Variants in TRAPPC9 observed in about 807,000 individuals in gnomAD.
TRAPPC9 encodes trafficking protein particle complex subunit 9.
TRAPPC9 carries 83 observed loss-of-function variants against 124.0 expected under a neutral mutation model. That is an observed-to-expected ratio of 0.67 (90% CI 0.56 to 0.80). The LOEUF is 0.80. Among genes scored for constraint, TRAPPC9 ranks in the 30% least tolerant of loss-of-function variants. TRAPPC9 has a pLI of 0.00. For missense variants in TRAPPC9, 1,302 were observed against 1,508.3 expected (o/e 0.86, Z 2.27); for synonymous variants, 638 against 617.5 (o/e 1.03, Z -0.49).
chr8:140,439,680 G>A (rs1337800621), intron 2 of TRAPPC9, among the ~76,000 whole-genome samples: 4 of 152,210 alleles, frequency 2.6e-5, no homozygotes, highest in Non-Finnish European at 5.9e-5. Flanking sequence ...AGCTTCCAGA[G>A]AGCAGGGCCT....
rs964223200 is a variant in TRAPPC9 at position 139,742,548 on chromosome 8, AG to A, written c.3056-10347del. On this transcript the variant is annotated intron_variant, in intron 21 of 22. Transcript: ENST00000438773. This position sits in a 1 kb window ranked among gnomAD's most constrained non-coding sequence, Gnocchi z 4.7. ...CATGCAATCAGGGACCAGGCAAGTC[AG>A]GGGCCACCAGAGAGGGTCAGGACCC... Among the ~76,000 whole-genome samples the A allele has an allele frequency of 5.3e-5, 8 of 152,316 alleles. No individual in the cohort carries two copies. The highest frequency in any genetic ancestry group is 1.9e-4 in the African/African-American group (8 of 41,564).
chr8:140,084,437 T>C (rs1265926020), intron 17 of TRAPPC9, among the ~76,000 whole-genome samples: 1 of 152,204 alleles, frequency 6.6e-6, no homozygotes, highest in Non-Finnish European at 1.5e-5. Context: ...AGGCTGAGCG[T>C]GTCCCTTCTC....
At chr8:139,820,007 C>CAAAAAAA (rs35064399) in intron 21 of TRAPPC9, among the ~76,000 whole-genome samples, 3 of 51,818 alleles carry the variant, frequency 5.8e-5, no homozygotes, top group South Asian at 1.2e-3. Context: ...GACTCTGTCT[C>CAAAAAAA]AAAAAAAAAA....
intron 15 of TRAPPC9, among the ~76,000 whole-genome samples, chr8:140,258,461 T>G (rs903597851): frequency 6.6e-6 from 1 of 152,234 alleles, no homozygotes; most frequent in African/African-American, 2.4e-5. Flanking sequence ...TAACCTAGTC[T>G]GGAAACACAA....
rs923977861 is a variant in TRAPPC9 at position 139,824,812 on chromosome 8, C to T, written c.3055+61067G>A. Among the ~76,000 whole-genome samples the T allele has an allele frequency of 5.3e-4, 81 of 152,136 alleles. 1 individual carries two copies. Among genetic ancestry groups the T allele is most frequent in the Admixed American group, 5.2e-3 (80 of 15,284 alleles). On this transcript the variant is annotated intron_variant, in intron 21 of 22. Transcript: ENST00000438773. The stretch of plus-strand genomic sequence containing the variant: ...TCCTGAGCTCAGGCAATTCACCCAC[C>T]TCGGCCTCCCAAAGTGCTAGGATTA...
intron 17 of TRAPPC9, among the ~76,000 whole-genome samples, chr8:140,089,662 G>T (rs1024001626): frequency 2.0e-5 from 3 of 152,188 alleles, no homozygotes; most frequent in Non-Finnish European, 4.4e-5. Flanking sequence ...GCTCCATAAA[G>T]ATGAGAACCT....
intron 5 of TRAPPC9, among the ~76,000 whole-genome samples, chr8:140,419,537 T>C (rs2070117597): frequency 6.6e-6 from 1 of 150,756 alleles, no homozygotes; most frequent in Non-Finnish European, 1.5e-5. Context: ...GCTACCATCA[T>C]GCTTCATGAT....
chr8:140,219,880 G>C (rs6578083), intron 17 of TRAPPC9, among the ~76,000 whole-genome samples: 105,458 of 152,108 alleles, frequency 0.69, 36,878 homozygotes, highest in Admixed American at 0.75. Flanking sequence ...TCAGACGAAA[G>C]AAACAGCCCT....
chr8:140,283,952 C>T lies in TRAPPC9; in HGVS notation c.2051G>A (p.Ser684Asn). The T allele has an allele frequency of 6.2e-7, 1 of 1,614,186 alleles. No homozygotes were observed. The highest frequency in any genetic ancestry group is 1.1e-5 in the South Asian group (1 of 91,076). Reference protein sequence around the residue: ...LLDNLPGIKTSGSTVEVIPAL... With the variant: ...LLDNLPGIKTNGSTVEVIPAL... ...GGGAATGACTTCCACTGTGGAGCCA[C>T]TGGTTTTTATTCCCGGCAGGTTATC... The change falls in exon 14 of 23, where the codon AGT (serine) becomes AAT (asparagine). Residue 684 changes from serine (S) to asparagine (N), a missense_variant. Coordinates refer to ENST00000438773, the MANE Select transcript of TRAPPC9 (RefSeq NM_001160372.4).
intron 21 of TRAPPC9, among the ~76,000 whole-genome samples, chr8:139,843,136 CAT>C (rs1203073582): frequency 6.6e-6 from 1 of 152,240 alleles, no homozygotes; most frequent in Non-Finnish European, 1.5e-5. Context: ...GCACTCGACA[CAT>C]AGGGCTAAGT....
chr8:140,396,595 T>C (rs12677197), intron 7 of TRAPPC9, among the ~76,000 whole-genome samples: 46,734 of 146,968 alleles, frequency 0.32, 7,789 homozygotes, highest in South Asian at 0.46. Context: ...CCCATCTTTC[T>C]ACCCCCACCG....
intron 17 of TRAPPC9, among the ~76,000 whole-genome samples, chr8:140,164,595 T>A (rs893985224): frequency 1.3e-5 from 2 of 152,182 alleles, no homozygotes; most frequent in Admixed American, 1.3e-4. Context: ...GGCTGTCTTC[T>A]CCCCTGCCTG....
intron 10 of TRAPPC9, among the ~76,000 whole-genome samples, chr8:140,303,467 T>C (rs188714241): frequency 1.3e-5 from 2 of 152,376 alleles, no homozygotes; most frequent in African/African-American, 4.8e-5. Context: ...GTATCATTTT[T>C]GCAGAGAATT....
intron 21 of TRAPPC9, among the ~76,000 whole-genome samples, chr8:139,766,642 G>A (rs985097752): frequency 1.3e-5 from 2 of 152,220 alleles, no homozygotes; most frequent in Non-Finnish European, 1.5e-5. Context: ...CGACCTAACC[G>A]GCATCACGTG....
At chr8:139,834,163 A>G (rs1008274755) in intron 21 of TRAPPC9, among the ~76,000 whole-genome samples, 3 of 152,198 alleles carry the variant, frequency 2.0e-5, no homozygotes, top group Non-Finnish European at 4.4e-5. Context: ...AGAGCCTGTC[A>G]CAGTGGGAGC....
chr8:140,006,358 T>C (rs1194389878), intron 18 of TRAPPC9, among the ~76,000 whole-genome samples: 2 of 152,168 alleles, frequency 1.3e-5, no homozygotes, highest in African/African-American at 2.4e-5. Context: ...CAATAACAAA[T>C]ATTGGCAAGA....
At chr8:139,964,526 C>CT (rs1395459319) in intron 19 of TRAPPC9, among the ~76,000 whole-genome samples, 1 of 152,178 alleles carries the variant, frequency 6.6e-6, no homozygotes, top group African/African-American at 2.4e-5. Flanking sequence ...GAAGGCCACT[C>CT]TGAGCCTCAG....
intron 17 of TRAPPC9, among the ~76,000 whole-genome samples, chr8:140,193,125 C>T (rs1183585832): frequency 6.6e-6 from 1 of 152,182 alleles, no homozygotes; most frequent in Non-Finnish European, 1.5e-5. Context: ...TGGGGAAAGA[C>T]AGGTTTCAAA....
At chr8:140,424,150 G>C (rs977015865) in intron 5 of TRAPPC9, among the ~76,000 whole-genome samples, 4 of 151,106 alleles carry the variant, frequency 2.6e-5, no homozygotes, top group African/African-American at 9.8e-5. Context: ...TTGTTTGTTT[G>C]TTTGTTTTTT....
Sources: allele counts gnomAD v4.1 joint callset (sites outside exome capture counted in the v4.1 genomes callset), GRCh38; gene constraint gnomAD v4.1.1; non-coding constraint Gnocchi (gnomAD v3.1); transcripts MANE v1.5; gene names NCBI Gene and HGNC (gene_info 2026-07-23, HGNC 2026-07-21).